The following DOCK10 variants were observed in gnomAD, a reference collection of about 807,000 sequenced individuals.
DOCK10 encodes the protein dedicator of cytokinesis protein 10.
In DOCK10, 145 loss-of-function variants were observed where a neutral mutation model predicts 280.1. That is an observed-to-expected ratio of 0.52 (90% CI 0.45 to 0.59). DOCK10 has a LOEUF of 0.59. Among genes scored for constraint, DOCK10 ranks in the 20% least tolerant of loss-of-function variants. The pLI is 0.00. For synonymous variants in DOCK10, 915 were observed against 942.2 expected (o/e 0.97, Z 0.53); for missense variants, 2,368 against 2,651.7 (o/e 0.89, Z 2.35).
chr2:224,822,459 C>A lies in DOCK10; in HGVS notation c.3183+1042G>T, dbSNP rs551297520. 3.5e-4 allele frequency among the ~76,000 whole-genome samples: 54 copies of A among 152,210 alleles called. 2 individuals are homozygous for A. The Middle Eastern group carries it at 0.024, about 67-fold the overall frequency. ...TAATGTAAAAAACAGCGTGGGTCAA[C>A]CTTGGTGGCTCACACCTGTCATCCC... On this transcript the variant is annotated intron_variant, in intron 28 of 55. Transcript: ENST00000258390.
chr2:224,843,339 T>C (rs1476833424), intron 22 of DOCK10, among the ~76,000 whole-genome samples: 1 of 152,104 alleles, frequency 6.6e-6, no homozygotes, highest in Non-Finnish European at 1.5e-5. Flanking sequence ...TGTGTTGTGG[T>C]GAGTCAGAGA....
chr2:225,006,531 TTTCAAAGACCAG>T (rs1384435039), intron 1 of DOCK10, among the ~76,000 whole-genome samples: 2 of 152,192 alleles, frequency 1.3e-5, no homozygotes, highest in African/African-American at 4.8e-5. Context: ...ATCCTTCATT[TTTCAAAGACCAG>T]TTCAAAGAGC....
In DOCK10 at chr2:224,852,982, T is replaced by C; in HGVS notation, c.2029A>G (p.Ile677Val). The C allele has an allele frequency of 3.1e-6, 5 of 1,610,300 alleles. No homozygotes were observed. The highest frequency in any genetic ancestry group is 4.2e-6 in the Non-Finnish European group (5 of 1,177,758). ...TCATACTTGAGGTGTTTGGGGTAAA[T>C]ATAAATTTGATTTTTATATACTCTG... ...PYRVYKNQIY[I>V]YPKHLKYDSQ... The change falls in exon 17 of 56, where the codon ATT (isoleucine) becomes GTT (valine). Residue 677 changes from isoleucine to valine, a missense_variant. By Grantham distance (29) the Ile-to-Val change is conservative (BLOSUM62 3). Coordinates refer to ENST00000258390, the MANE Select transcript of DOCK10 (RefSeq NM_014689.3).
intron 7 of DOCK10, 114 bp downstream of exon 7, chr2:224,885,557 A>C: frequency 9.2e-7 from 1 of 1,089,106 alleles, no homozygotes; most frequent in Non-Finnish European, 1.2e-6. Flanking sequence ...TTTTTCACAG[A>C]ATTCTTAGAA....
At chr2:224,796,885 G>C in intron 43 of DOCK10, 79 bp downstream of exon 43, 1 of 1,355,794 alleles carries the variant, frequency 7.4e-7, no homozygotes, top group East Asian at 2.3e-5. Flanking sequence ...GGCTTGCCCT[G>C]AGGACAGTAG....
At chr2:224,969,667 A>G (rs572047300) in intron 1 of DOCK10, among the ~76,000 whole-genome samples, 130 of 152,332 alleles carry the variant, frequency 8.5e-4, no homozygotes, top group Non-Finnish European at 1.5e-3. Context: ...AAATAGATGC[A>G]TGTAATCTTT....
chr2:224,899,898 T>C (rs193057056), intron 3 of DOCK10, among the ~76,000 whole-genome samples: 5 of 152,362 alleles, frequency 3.3e-5, no homozygotes, highest in African/African-American at 4.8e-5. Context: ...AACTAGGGGA[T>C]AGAAGGCTTT....
chr2:224,875,761 G>A (rs1698588085), intron 8 of DOCK10, among the ~76,000 whole-genome samples: 1 of 152,112 alleles, frequency 6.6e-6, no homozygotes. Context: ...TGTCCCATTG[G>A]ACATGAGCAC....
chr2:224,955,504 G>C (rs955721229), intron 1 of DOCK10, among the ~76,000 whole-genome samples: 1 of 152,178 alleles, frequency 6.6e-6, no homozygotes, highest in African/African-American at 2.4e-5. Flanking sequence ...GTTAGCCTAG[G>C]TACAATCCCT....
intron 3 of DOCK10, among the ~76,000 whole-genome samples, chr2:224,912,041 T>C (rs1202792414): frequency 1.3e-5 from 2 of 152,162 alleles, no homozygotes; most frequent in Admixed American, 1.3e-4. Flanking sequence ...TTTTAGGTAT[T>C]TATCTAATGA....
chr2:224,847,820 A>T (rs1352741399), intron 19 of DOCK10, among the ~76,000 whole-genome samples: 2 of 152,212 alleles, frequency 1.3e-5, no homozygotes, highest in African/African-American at 4.8e-5. Context: ...ATTAATGTGC[A>T]CAGTGTGGGA....
intron 41 of DOCK10, among the ~76,000 whole-genome samples, chr2:224,799,357 G>C (rs1399511016): frequency 6.6e-6 from 1 of 152,190 alleles, no homozygotes; most frequent in Non-Finnish European, 1.5e-5. Flanking sequence ...TTTAACTGCT[G>C]AGTAGTAGTC....
At chr2:224,887,191 G>C (rs1191906118) in intron 4 of DOCK10, among the ~76,000 whole-genome samples, 2 of 152,130 alleles carry the variant, frequency 1.3e-5, no homozygotes, top group Non-Finnish European at 2.9e-5. Context: ...TTAATAAGTA[G>C]TGATATTTTC....
intron 4 of DOCK10, among the ~76,000 whole-genome samples, chr2:224,892,598 T>G (rs1699760515): frequency 6.6e-6 from 1 of 152,078 alleles, no homozygotes; most frequent in African/African-American, 2.4e-5. Context: ...TGTGATGACC[T>G]AGGAGAAAAT....
chr2:225,013,115 T>C (rs1689489484), intron 1 of DOCK10, among the ~76,000 whole-genome samples: 1 of 152,204 alleles, frequency 6.6e-6, no homozygotes, highest in Non-Finnish European at 1.5e-5. Flanking sequence ...AACTTTAGTC[T>C]GCAGATTAAT....
At chr2:225,016,545 A>ATG (rs1189961873) in intron 1 of DOCK10, among the ~76,000 whole-genome samples, 29 of 145,132 alleles carry the variant, frequency 2.0e-4, no homozygotes, top group African/African-American at 7.3e-4. Flanking sequence ...ACATATATCT[A>ATG]TATGCACATA....
chr2:224,810,805 G>A (rs1693719249), intron 31 of DOCK10, among the ~76,000 whole-genome samples: 1 of 151,834 alleles, frequency 6.6e-6, no homozygotes, highest in Non-Finnish European at 1.5e-5. Context: ...CCCTACAAAG[G>A]ACGTGAACTC....
At chr2:224,814,650 T>C (rs1694007053) in intron 30 of DOCK10, among the ~76,000 whole-genome samples, 1 of 152,108 alleles carries the variant, frequency 6.6e-6, no homozygotes, top group Non-Finnish European at 1.5e-5. Context: ...GTCTCCCAAG[T>C]AGCTGGGATT....
At chr2:225,028,813 A>C in intron 1 of DOCK10, among the ~76,000 whole-genome samples, 1 of 152,206 alleles carries the variant, frequency 6.6e-6, no homozygotes, top group South Asian at 2.1e-4. Flanking sequence ...TGCCAAGCAT[A>C]GGTCACATTT....
Sources: gnomAD v4.1 joint callset for allele counts (sites outside exome capture counted in the v4.1 genomes callset) on GRCh38, gnomAD v4.1.1 for gene constraint, MANE v1.5 for transcripts, NCBI Gene and HGNC (gene_info 2026-07-23, HGNC 2026-07-21) for gene names.